DCAF7: variants seen among roughly 807,000 people sequenced by gnomAD.
DCAF7 encodes DDB1 and CUL4 associated factor 7.
Under a neutral mutation model 41.2 loss-of-function variants are expected in DCAF7, and 4 were observed. The observed-to-expected ratio is 0.10, with a 90% CI of 0.05 to 0.22. DCAF7 has a LOEUF of 0.22. Ranked by LOEUF, DCAF7 falls within the 10% of genes least tolerant of loss-of-function variation. The pLI is 1.00. For missense variants in DCAF7, 131 were observed against 443.2 expected, an observed-to-expected ratio of 0.30 and a Z score of 6.32; for synonymous variants, 143 against 164.2, an observed-to-expected ratio of 0.87 and a Z score of 0.99.
chr17:63,564,406 A>G (rs2033418988), intron 1 of DCAF7, among the ~76,000 whole-genome samples: 1 of 152,238 alleles, frequency 6.6e-6, no homozygotes, highest in African/African-American at 2.4e-5. Flanking sequence ...CTGGAGTCTT[A>G]TCAAGGAAAT....
At chr17:63,559,433 G>GTATA (rs1263888953) in intron 1 of DCAF7, among the ~76,000 whole-genome samples, 1 of 112,432 alleles carries the variant, frequency 8.9e-6, no homozygotes, top group African/African-American at 4.3e-5. Context: ...ATATATATAT[G>GTATA]TGTGTGTATA....
intron 1 of DCAF7, among the ~76,000 whole-genome samples, chr17:63,567,134 AC>A (rs1346844490): frequency 6.6e-6 from 1 of 152,122 alleles, no homozygotes; most frequent in Non-Finnish European, 1.5e-5. Flanking sequence ...AAAAGAAAAA[AC>A]CACACACAAA....
intron 1 of DCAF7, among the ~76,000 whole-genome samples, chr17:63,574,976 A>ATAAT (rs3038486): frequency 0.14 from 21,528 of 152,054 alleles, 4,904 homozygotes; most frequent in African/African-American, 0.48. Context: ...TATCTTAAAA[A>ATAAT]AAATAAAACA....
At chr17:63,570,112 G>C (rs1470293237) in intron 1 of DCAF7, among the ~76,000 whole-genome samples, 1 of 152,114 alleles carries the variant, frequency 6.6e-6, no homozygotes, top group Non-Finnish European at 1.5e-5. Flanking sequence ...GGTGGGGAGG[G>C]TGATTCATTA....
chr17:63,564,166 CACAT>C (rs1483990975), intron 1 of DCAF7, among the ~76,000 whole-genome samples: 6 of 151,040 alleles, frequency 4.0e-5, no homozygotes, highest in African/African-American at 9.8e-5. Flanking sequence ...CACACACATA[CACAT>C]ATATACACAC....
intron 1 of DCAF7, among the ~76,000 whole-genome samples, chr17:63,568,139 G>A (rs1486131039): frequency 6.6e-6 from 1 of 152,104 alleles, no homozygotes; most frequent in East Asian, 1.9e-4. Flanking sequence ...TCCTGCCTCA[G>A]CCTCCCAAGT....
intron 1 of DCAF7, among the ~76,000 whole-genome samples, chr17:63,566,123 C>A (rs2033437906): frequency 6.6e-6 from 1 of 151,856 alleles, no homozygotes; most frequent in African/African-American, 2.4e-5. Flanking sequence ...AAAATCCCAG[C>A]ACTTTGGGAG....
At chr17:63,587,886 C>T (rs1243984197) in intron 6 of DCAF7, among the ~76,000 whole-genome samples, 3 of 149,930 alleles carry the variant, frequency 2.0e-5, no homozygotes, top group Non-Finnish European at 3.0e-5. Context: ...TTTGGGAGGC[C>T]GAGGCAGGAG....
intron 6 of DCAF7, among the ~76,000 whole-genome samples, chr17:63,588,319 C>G (rs2033699565): frequency 6.7e-6 from 1 of 150,048 alleles, no homozygotes; most frequent in Non-Finnish European, 1.5e-5. Flanking sequence ...ACCGAAGTAG[C>G]TGGGATTACA....
chr17:63,579,966 C>T, intron 4 of DCAF7, 23 bp downstream of exon 4: 1 of 1,594,980 alleles, frequency 6.3e-7, no homozygotes, highest in Admixed American at 1.7e-5. Flanking sequence ...TCCATTTCGT[C>T]TTTCCTCAAA....
intron 1 of DCAF7, among the ~76,000 whole-genome samples, chr17:63,574,243 C>CT (rs2033537819): frequency 6.6e-6 from 1 of 152,178 alleles, no homozygotes; most frequent in African/African-American, 2.4e-5. Context: ...CAGATGCTTA[C>CT]TTTTTTCCTC....
intron 1 of DCAF7, among the ~76,000 whole-genome samples, chr17:63,560,202 A>G (rs1161495851): frequency 6.6e-6 from 1 of 152,090 alleles, no homozygotes; most frequent in African/African-American, 2.4e-5. Context: ...GTGGTAATCT[A>G]CTGTGTGTGT....
intron 1 of DCAF7, among the ~76,000 whole-genome samples, chr17:63,557,615 A>G (rs180918516): frequency 6.6e-6 from 1 of 152,346 alleles, no homozygotes; most frequent in East Asian, 1.9e-4. Flanking sequence ...CAATGAGAAC[A>G]TAATAGATGC....
At chr17:63,562,112 C>T (rs1458025889) in intron 1 of DCAF7, among the ~76,000 whole-genome samples, 1 of 151,634 alleles carries the variant, frequency 6.6e-6, no homozygotes, top group Non-Finnish European at 1.5e-5. Flanking sequence ...TTGATATAGC[C>T]AGAGAGATAG....
At chr17:63,569,323 A>G (rs889004857) in intron 1 of DCAF7, among the ~76,000 whole-genome samples, 10 of 151,404 alleles carry the variant, frequency 6.6e-5, no homozygotes, top group African/African-American at 2.4e-4. Flanking sequence ...TTTGGCTTTA[A>G]CCTACCAGTC....
At chr17:63,556,946 TG>T (rs1486310354) in intron 1 of DCAF7, among the ~76,000 whole-genome samples, 1 of 152,186 alleles carries the variant, frequency 6.6e-6, no homozygotes, top group Admixed American at 6.5e-5. Flanking sequence ...AAGGATCACT[TG>T]AGCCCAGGAG....
chr17:63,580,419 T>TTGGCAG (rs1299056185), intron 4 of DCAF7, among the ~76,000 whole-genome samples: 1 of 152,042 alleles, frequency 6.6e-6, no homozygotes, highest in Non-Finnish European at 1.5e-5. Context: ...TTCATTACTG[T>TTGGCAG]TGGCAGTGGA....
intron 1 of DCAF7, among the ~76,000 whole-genome samples, chr17:63,559,483 G>GA (rs1199782329): frequency 1.6e-3 from 229 of 143,604 alleles, no homozygotes; most frequent in Non-Finnish European, 2.8e-3. Context: ...ATTGAAACCA[G>GA]AAAAAAAAAT....
At chr17:63,575,667 G>A (rs961477431) in intron 1 of DCAF7, among the ~76,000 whole-genome samples, 7 of 152,184 alleles carry the variant, frequency 4.6e-5, no homozygotes, top group African/African-American at 1.7e-4. Context: ...CAGCTTGGGT[G>A]CTAGAGCGAG....
Sources: gnomAD v4.1 joint callset for allele counts (sites outside exome capture counted in the v4.1 genomes callset) on GRCh38, gnomAD v4.1.1 for gene constraint, MANE v1.5 for transcripts, NCBI Gene and HGNC (gene_info 2026-07-23, HGNC 2026-07-21) for gene names.